LARGE1: variants seen among roughly 807,000 people sequenced by gnomAD.
The protein encoded by LARGE1 is xylosyl- and glucuronyltransferase LARGE1.
In LARGE1, 43 loss-of-function variants were observed where a neutral mutation model predicts 87.6. The observed-to-expected ratio is 0.49, with a 90% CI of 0.38 to 0.63. The LOEUF is 0.63. Among genes scored for constraint, LARGE1 ranks in the 30% least tolerant of loss-of-function variants. The pLI, the probability that LARGE1 is intolerant of heterozygous loss-of-function variation, is 0.00. For synonymous variants in LARGE1, 434 were observed against 394.6 expected, an observed-to-expected ratio of 1.10 and a Z score of -1.18; for missense variants, 802 against 1,000.2, an observed-to-expected ratio of 0.80 and a Z score of 2.67.
chr22:33,827,512 A>C (rs961097155), intron 1 of LARGE1, among the ~76,000 whole-genome samples: 1 of 152,250 alleles, frequency 6.6e-6, no homozygotes, highest in African/African-American at 2.4e-5. Context: ...TGTACATTTA[A>C]AAAGCAATTC....
chr22:33,704,958 G>A (rs5754649), intron 2 of LARGE1: 25,354 of 152,280 alleles, frequency 0.17, 2,431 homozygotes, highest in Non-Finnish European at 0.21. Context: ...ACACTAAGGA[G>A]GACCCAGGCA....
At chr22:33,145,468 G>A in the LARGE1 span, among the ~76,000 whole-genome samples, 1 of 152,152 alleles carries the variant, frequency 6.6e-6, no homozygotes, top group South Asian at 2.1e-4. Context: ...CTGTCAAGGT[G>A]GGTCTCATGA....
intron 11 of LARGE1, among the ~76,000 whole-genome samples, chr22:33,255,387 G>A (rs1381273852): frequency 1.3e-5 from 2 of 152,142 alleles, no homozygotes; most frequent in Non-Finnish European, 2.9e-5. Context: ...AACAACGCGT[G>A]GACACTCTGG....
intron 1 of LARGE1, among the ~76,000 whole-genome samples, chr22:33,849,155 T>A (rs887573665): frequency 6.6e-6 from 1 of 152,108 alleles, no homozygotes; most frequent in Admixed American, 6.5e-5. Context: ...GTGTCATCAG[T>A]CTCATCAATA....
At chr22:33,887,128 G>A (rs970514067) in intron 1 of LARGE1, among the ~76,000 whole-genome samples, 1 of 152,128 alleles carries the variant, frequency 6.6e-6, no homozygotes, top group African/African-American at 2.4e-5. Context: ...CGTGAACATC[G>A]AATGAGTTCT....
chr22:33,377,424 T>C (rs570179705), intron 9 of LARGE1, among the ~76,000 whole-genome samples: 1 of 152,350 alleles, frequency 6.6e-6, no homozygotes, highest in South Asian at 2.1e-4. Flanking sequence ...TAAAAACCTT[T>C]ATCTTCCTTT....
chr22:33,642,710 C>CAAA (rs60815644), intron 3 of LARGE1, among the ~76,000 whole-genome samples: 1,739 of 17,364 alleles, frequency 0.1, 475 homozygotes, highest in Middle Eastern at 0.25. Context: ...AAATGGAAAG[C>CAAA]AAAAAAAAAA....
the LARGE1 span, among the ~76,000 whole-genome samples, chr22:33,085,455 A>G: frequency 6.6e-6 from 1 of 152,202 alleles, no homozygotes; most frequent in South Asian, 2.1e-4. Flanking sequence ...ATATGCTTTG[A>G]AGCCAAAGCA....
the LARGE1 span, chr22:33,109,265 C>G: frequency 5.3e-5 from 8 of 151,692 alleles, no homozygotes; most frequent in African/African-American, 1.5e-4. Flanking sequence ...CTTTCTCTGG[C>G]AAACTTTTGA....
intron 7 of LARGE1, among the ~76,000 whole-genome samples, chr22:33,388,508 A>G (rs989775662): frequency 6.6e-6 from 1 of 152,230 alleles, no homozygotes; most frequent in African/African-American, 2.4e-5. Context: ...GTGTGAATTC[A>G]CAGAAATAGA....
In LARGE1 at chr22:33,722,498, C is replaced by T. The variant is rs568815801; in HGVS notation, c.106+38873G>A. Among the ~76,000 whole-genome samples the T allele has an allele frequency of 7.2e-5, 11 of 152,184 alleles. No individual in the cohort carries two copies. The East Asian group carries it at 1.7e-3, about 24-fold the overall frequency. ...GTAACAAATATTGTGACAAATACAA[C>T]GGTAAAAGTCCTTCAAGTGAATGAA... On this transcript the variant is annotated intron_variant, in intron 2 of 14. Transcript: ENST00000397394.
chr22:33,279,234 A>G (rs1208753629), intron 13 of LARGE1, among the ~76,000 whole-genome samples: 2 of 152,140 alleles, frequency 1.3e-5, no homozygotes, highest in East Asian at 1.9e-4. Flanking sequence ...AGGGCCCAAG[A>G]GAAGAGTTAG....
intron 1 of LARGE1, among the ~76,000 whole-genome samples, chr22:33,763,935 C>T (rs942777549): frequency 1.2e-4 from 18 of 146,330 alleles, no homozygotes; most frequent in African/African-American, 3.7e-4. Context: ...CTGCAACCTC[C>T]GCCTCCCATG....
intron 12 of LARGE1, among the ~76,000 whole-genome samples, chr22:33,292,150 G>C (rs1019021554): frequency 6.6e-6 from 1 of 152,176 alleles, no homozygotes. Context: ...TGGCAGCAGA[G>C]AGCAGCCCTC....
the LARGE1 span, among the ~76,000 whole-genome samples, chr22:33,089,271 C>G: frequency 2.0e-5 from 3 of 149,540 alleles, no homozygotes; most frequent in South Asian, 4.2e-4. Context: ...TCCTCTTCTT[C>G]TTCTTCTTGT....
intron 6 of LARGE1, among the ~76,000 whole-genome samples, chr22:33,520,992 AG>A (rs2071555797): frequency 6.6e-6 from 1 of 152,182 alleles, no homozygotes; most frequent in African/African-American, 2.4e-5. Context: ...GAGCTCCTTG[AG>A]GCCAGGGCAC....
At chr22:33,192,689 C>T (rs1047241136) in intron 11 of LARGE1, among the ~76,000 whole-genome samples, 1 of 151,950 alleles carries the variant, frequency 6.6e-6, no homozygotes, top group Non-Finnish European at 1.5e-5. Context: ...CCCTATTTGT[C>T]TATTTTTGCT....
chr22:33,845,567 C>T (rs1194768861), intron 1 of LARGE1, among the ~76,000 whole-genome samples: 1 of 152,118 alleles, frequency 6.6e-6, no homozygotes, highest in Non-Finnish European at 1.5e-5. Flanking sequence ...CTCAGCCTCC[C>T]AAAGTGCTGG....
chr22:33,184,711 A>G (rs970835428), intron 11 of LARGE1, among the ~76,000 whole-genome samples: 1 of 152,100 alleles, frequency 6.6e-6, no homozygotes, highest in Admixed American at 6.6e-5. Context: ...AAACTCAACA[A>G]TAAGAAAATG....
Sources: allele counts gnomAD v4.1 joint callset (sites outside exome capture counted in the v4.1 genomes callset), GRCh38; gene constraint gnomAD v4.1.1; transcripts MANE v1.5; gene names NCBI Gene and HGNC (gene_info 2026-07-23, HGNC 2026-07-21).